Variants in GATA6 observed in about 807,000 individuals in gnomAD.
GATA6 encodes transcription factor GATA-6.
GATA6 carries 11 observed loss-of-function variants against 48.1 expected under a neutral mutation model. The observed-to-expected ratio is 0.23, with a 90% CI of 0.14 to 0.38. GATA6 has a LOEUF of 0.38. Ranked by LOEUF, GATA6 falls within the 10% of genes least tolerant of loss-of-function variation. The pLI is 1.00. For missense variants in GATA6, 795 were observed against 850.3 expected (o/e 0.93, Z 0.81); for synonymous variants, 419 against 396.1 (o/e 1.06, Z -0.69).
intron 3 of GATA6, among the ~76,000 whole-genome samples, chr18:22,179,747 A>C (rs1311562774): frequency 1.3e-5 from 2 of 152,236 alleles, no homozygotes; most frequent in Non-Finnish European, 2.9e-5. Context: ...TTAGCAAAGC[A>C]GTTTCCCAGG....
chr18:22,174,728 A>ATTT (rs35173458), intron 2 of GATA6, among the ~76,000 whole-genome samples: 3 of 143,284 alleles, frequency 2.1e-5, no homozygotes, highest in African/African-American at 7.7e-5. Context: ...TGTTTCTTAG[A>ATTT]TTTTTTTTTT....
rs2033049889 is a variant in GATA6 at position 22,171,656 on chromosome 18, A to G, written c.512A>G (p.His171Arg). The G allele has an allele frequency of 7.7e-6, 12 of 1,555,020 alleles. No individual in the cohort carries two copies. The highest frequency in any genetic ancestry group is 1.0e-5 in the Non-Finnish European group (12 of 1,160,314). ...GACGGCGCGCCCGGCGGCTTCGTGC[A>G]CTCTGCGGCCGCGGCGGCAGCAGCC... ...AYDGAPGGFV[H>R]SAAAAAAAAA... is the part of the protein sequence containing the mutation. The change falls in exon 2 of 7, where the codon CAC becomes CGC. Residue 171 changes from histidine (H) to arginine (R), a missense_variant. Physicochemically the swap from His to Arg is conservative, Grantham distance 29. Coordinates refer to ENST00000269216, the MANE Select transcript of GATA6 (RefSeq NM_005257.6). This position sits in a 1 kb window ranked among gnomAD's most constrained non-coding sequence, Gnocchi z 7.1.
At chr18:22,200,477 C>A in intron 6 of GATA6, 179 bp from the exon 7 acceptor site, 1 of 770,526 alleles carries the variant, frequency 1.3e-6, no homozygotes, top group East Asian at 2.5e-5. Context: ...GAAAGGCCCC[C>A]ACTTGCTGGG....
chr18:22,189,586 G>A (rs2033303695), intron 6 of GATA6, among the ~76,000 whole-genome samples: 4 of 152,166 alleles, frequency 2.6e-5, no homozygotes, highest in Admixed American at 2.0e-4. Context: ...TGCTTATACT[G>A]TTAAGTTGCT....
intron 6 of GATA6, among the ~76,000 whole-genome samples, chr18:22,200,435 G>A (rs953504962): frequency 2.0e-5 from 3 of 152,156 alleles, no homozygotes; most frequent in African/African-American, 4.8e-5. Flanking sequence ...AAGTGGCCAG[G>A]GTCAGGTCAG....
rs544593091 is a variant in GATA6, at chr18:22,180,450, G to A, written c.1303-1003G>A. Among the ~76,000 whole-genome samples the A allele has an allele frequency of 2.1e-4, 32 of 152,250 alleles. No individual in the cohort carries two copies. In the South Asian group the frequency reaches 6.4e-3, roughly 31 times the overall value. Reference sequence around the variant, plus strand: ...AAATGGGAGTGACAGTGGCAGACAGGTGGCCTTTTACCTTTCCTGGTAATA... The same window carrying A: ...AAATGGGAGTGACAGTGGCAGACAGATGGCCTTTTACCTTTCCTGGTAATA... On this transcript the variant is annotated intron_variant, in intron 3 of 6. Coordinates refer to ENST00000269216, the MANE Select transcript of GATA6 (RefSeq NM_005257.6).
intron 2 of GATA6, among the ~76,000 whole-genome samples, chr18:22,175,826 T>C (rs1283193031): frequency 6.6e-6 from 1 of 152,224 alleles, no homozygotes; most frequent in African/African-American, 2.4e-5. Context: ...TGAAGTGTAA[T>C]GTTTATTTAC....
At chr18:22,181,213 C>A (rs368536725) in intron 3 of GATA6, among the ~76,000 whole-genome samples, 2 of 152,142 alleles carry the variant, frequency 1.3e-5, no homozygotes, top group African/African-American at 4.8e-5. Context: ...TTCACGGAGA[C>A]AGGCTAGCTG....
At chr18:22,184,596 GC>G (rs1229699489) in intron 6 of GATA6, among the ~76,000 whole-genome samples, 3 of 151,952 alleles carry the variant, frequency 2.0e-5, no homozygotes, top group African/African-American at 7.3e-5. Flanking sequence ...CCGGATTCAA[GC>G]AATCCTCCCA....
intron 6 of GATA6, among the ~76,000 whole-genome samples, chr18:22,189,057 T>C (rs998169871): frequency 6.6e-6 from 1 of 152,140 alleles, no homozygotes; most frequent in Non-Finnish European, 1.5e-5. Context: ...CCTGGATGGG[T>C]GGGCCTTAAC....
At chr18:22,199,367 A>G (rs936387132) in intron 6 of GATA6, among the ~76,000 whole-genome samples, 1 of 152,240 alleles carries the variant, frequency 6.6e-6, no homozygotes, top group Non-Finnish European at 1.5e-5. Flanking sequence ...TGGAGCCCTG[A>G]AAGCTTGGAA....
chr18:22,178,585 G>A (rs1378023511), intron 3 of GATA6, among the ~76,000 whole-genome samples: 1 of 152,208 alleles, frequency 6.6e-6, no homozygotes, highest in Non-Finnish European at 1.5e-5. Context: ...GCATCACAAT[G>A]TAAGTCTGAC....
intron 6 of GATA6, among the ~76,000 whole-genome samples, 196 bp from the exon 7 acceptor site, chr18:22,200,460 A>G (rs2033445415): frequency 6.6e-6 from 1 of 152,206 alleles, no homozygotes; most frequent in Non-Finnish European, 1.5e-5. Context: ...ACTGTGTGCA[A>G]TGCAGGGAAA....
intron 6 of GATA6, among the ~76,000 whole-genome samples, chr18:22,199,231 G>A (rs1366216893): frequency 1.3e-5 from 2 of 152,194 alleles, no homozygotes; most frequent in Admixed American, 6.5e-5. Context: ...TGTTCCGCCT[G>A]TGTCTGGTGC....
In GATA6 at chr18:22,190,249, A is replaced by C. The variant is rs963971690; in HGVS notation, c.1620+7206A>C. Among the ~76,000 whole-genome samples, 11 of 152,302 alleles carry C rather than the reference A, an allele frequency of 7.2e-5. No individual in the cohort carries two copies. The East Asian group carries it at 2.1e-3, about 29-fold the overall frequency. Reference sequence around the variant, plus strand: ...AGAAATCAAATGTGTAATGGTACTAAGAATATGGCAGTTGGGTAACATTAA... The same window carrying C: ...AGAAATCAAATGTGTAATGGTACTACGAATATGGCAGTTGGGTAACATTAA... On this transcript the variant is annotated intron_variant, in intron 6 of 6. Transcript: ENST00000269216.
intron 6 of GATA6, among the ~76,000 whole-genome samples, chr18:22,192,766 T>C (rs1568005994): frequency 6.6e-6 from 1 of 152,230 alleles, no homozygotes. Context: ...GCTTTTTCTT[T>C]AGGGTCCTCA....
At chr18:22,182,722 A>G (rs1426969535) in intron 4 of GATA6, 35 bp from the exon 5 acceptor site, 2 of 1,434,914 alleles carry the variant, frequency 1.4e-6, no homozygotes, top group South Asian at 1.2e-5. Flanking sequence ...CTTCAATATA[A>G]TATTAAATTT....
rs1332825985 is a variant in GATA6 at position 22,169,837 on chromosome 18, C to T, written c.-38+155C>T. 3.3e-5 allele frequency among the ~76,000 whole-genome samples: 5 copies of T among 152,240 alleles called. No homozygotes were observed. The East Asian group carries it at 9.6e-4, about 29-fold the overall frequency. On this transcript the variant is annotated intron_variant, in intron 1 of 6. Transcript: ENST00000269216. The stretch of plus-strand genomic sequence containing the variant: ...TCCCTCCGGGCGGGCTGAGGCGGCT[C>T]CCAGGCTCCCGGGACACCGCGGACC...
chr18:22,200,192 T>TGTGTGTGTGCGCGCGCAC (rs1473414636), intron 6 of GATA6, among the ~76,000 whole-genome samples: 12 of 152,004 alleles, frequency 7.9e-5, no homozygotes, highest in Admixed American at 3.9e-4. Context: ...TGTGTGTGTG[T>TGTGTGTGTGCGCGCGCAC]GTGTGTGTGC....
Sources: gnomAD v4.1 joint callset for allele counts (sites outside exome capture counted in the v4.1 genomes callset) on GRCh38, gnomAD v4.1.1 for gene constraint, Gnocchi (gnomAD v3.1) non-coding constraint, MANE v1.5 for transcripts, NCBI Gene and HGNC (gene_info 2026-07-23, HGNC 2026-07-21) for gene names.